The following OR6C68 variants were observed in gnomAD, a reference collection of about 807,000 sequenced individuals.
OR6C68 encodes olfactory receptor 6C68.
For synonymous variants in OR6C68, 161 were observed against 129.8 expected (o/e 1.24, Z -1.63); for missense variants, 440 against 368.5 (o/e 1.19, Z -1.59).
In OR6C68 at chr12:55,492,685, A is replaced by G. The variant is rs1872521432; in HGVS notation, c.308A>G (p.Asp103Gly). 6.2e-7 allele frequency: 1 copy of G among 1,613,912 alleles called. No individual in the cohort carries two copies. The highest frequency in any genetic ancestry group is 1.7e-5 in the Admixed American group (1 of 59,990). ...NACVIQLFFA[D>G]LFGVTEFFLL... ...TGTGTCATTCAGCTATTTTTTGCAG[A>G]CCTCTTTGGGGTAACTGAATTTTTT... The change falls in exon 1 of 1, where the codon GAC becomes GGC. Residue 103 changes from aspartate (D) to glycine (G), a missense_variant. Transcript: ENST00000548615.
Position 55,493,069 on chromosome 12 carries a change from A to G in OR6C68, c.692A>G (p.Gln231Arg). 2 of 1,605,588 alleles carry G rather than the reference A, an allele frequency of 1.2e-6. No homozygotes were observed. The highest frequency in any genetic ancestry group is 1.7e-6 in the Non-Finnish European group (2 of 1,177,480). ...RTILKFPSVQ[Q>R]KKKAFSTCSS... The stretch of plus-strand genomic sequence containing the variant: ...ATTCTAAAATTCCCTTCTGTTCAAC[A>G]AAAGAAAAAAGCCTTTTCTACCTGT... The change falls in exon 1 of 1, where the codon CAA becomes CGA. Residue 231 changes from glutamine (Q) to arginine (R), a missense_variant. Physicochemically the swap from Gln to Arg is conservative, Grantham distance 43. Transcript: ENST00000548615.
Position 55,493,189 on chromosome 12 carries a change from G to T in OR6C68, c.812G>T (p.Gly271Val). The change falls in exon 1 of 1, where the codon GGT (glycine) becomes GTT (valine). Residue 271 changes from glycine (G) to valine (V), a missense_variant. Physicochemically the swap from Gly to Val is moderately radical, Grantham distance 109. Transcript: ENST00000548615. ...AAAGAAGAGGTAAACATTAATAAAG[G>T]TGTGTCAGTGCTTATTTCATCCATA... ...SAKEEVNINKGVSVLISSISP... is the reference protein window; with the variant it reads ...SAKEEVNINKVVSVLISSISP... 1 of 1,613,356 alleles carries T rather than the reference G, an allele frequency of 6.2e-7. No individual in the cohort carries two copies. Among genetic ancestry groups the T allele is most frequent in the Non-Finnish European group, 8.5e-7 (1 of 1,179,556 alleles).
chr12:55,492,424 CAGA>C lies in OR6C68; in HGVS notation c.51_53del (p.Glu17del). The C allele has an allele frequency of 6.2e-7, 1 of 1,613,490 alleles. No homozygotes were observed. The highest frequency in any genetic ancestry group is 1.1e-5 in the South Asian group (1 of 90,880). ...ACAACATTCATCCTTCTGGGACTGA[CAGA>C]AGATCCTCAGCTGCAGGTTCTGCTT... On this transcript the variant is annotated inframe_deletion, in exon 1 of 1. Coordinates refer to ENST00000548615, the MANE Select transcript of OR6C68 (RefSeq NM_001005519.2).
Position 55,492,874 on chromosome 12 carries a change from T to A in OR6C68, c.497T>A (p.Phe166Tyr). Residue 166 changes from phenylalanine to tyrosine, a missense_variant, in exon 1 of 1, where the codon TTC (phenylalanine) becomes TAC (tyrosine). Transcript: ENST00000548615. ...PPLSLGFHLE[F>Y]CDSNVINHFG... ...CTTAGCTTAGGTTTTCATCTAGAAT[T>A]CTGTGACTCTAATGTCATCAATCAT... The A allele has an allele frequency of 1.9e-6, 3 of 1,614,004 alleles. No homozygotes were observed. The highest frequency in any genetic ancestry group is 2.5e-6 in the Non-Finnish European group (3 of 1,179,916).
chr12:55,493,226 G>A lies in OR6C68; in HGVS notation c.849G>A (p.Leu283=). The A allele has an allele frequency of 6.2e-7, 1 of 1,612,584 alleles. No individual in the cohort carries two copies. The highest frequency in any genetic ancestry group is 1.3e-5 in the African/African-American group (1 of 74,896). ...SVLISSISPM[L]NSFIYTLRNE... ...TTATTTCATCCATATCACCTATGTT[G>A]AATTCTTTCATATATACTCTTAGGA... Residue 283 remains leucine, a synonymous_variant, in exon 1 of 1, where the codon TTG becomes TTA. Coordinates refer to ENST00000548615, the MANE Select transcript of OR6C68 (RefSeq NM_001005519.2).
chr12:55,492,930 A>G lies in OR6C68; in HGVS notation c.553A>G (p.Ile185Val). 6.2e-7 allele frequency: 1 copy of G among 1,612,448 alleles called. No individual in the cohort carries two copies. The highest frequency in any genetic ancestry group is 8.5e-7 in the Non-Finnish European group (1 of 1,179,062). The change falls in exon 1 of 1, where the codon ATA becomes GTA. Residue 185 changes from isoleucine to valine, a missense_variant. By Grantham distance (29) the Ile-to-Val change is conservative. Transcript: ENST00000548615. ...FGCDALPILK[I>V]PCSDTSLIEQ... ...CTGTGATGCATTGCCTATTCTGAAA[A>G]TACCATGCTCAGACACATCATTAAT...
chr12:55,493,129 G>A lies in OR6C68; in HGVS notation c.752G>A (p.Gly251Asp), dbSNP rs201536343. 131 of 1,612,534 alleles carry A rather than the reference G, an allele frequency of 8.1e-5. No individual in the cohort carries two copies. The highest frequency in any genetic ancestry group is 3.3e-4 in the Middle Eastern group (2 of 6,046). ...SHITVVSITY[G>D]SCIFIYIKPS... is the part of the protein sequence containing the mutation. Reference sequence around the variant, plus strand: ...ATTACTGTGGTTTCCATCACTTATGGCAGCTGCATCTTCATCTATATCAAG... The same window carrying A: ...ATTACTGTGGTTTCCATCACTTATGACAGCTGCATCTTCATCTATATCAAG... Residue 251 changes from glycine (G) to aspartate (D), a missense_variant, in exon 1 of 1, where the codon GGC becomes GAC. By Grantham distance (94) the Gly-to-Asp change is moderately conservative (BLOSUM62 -1). Coordinates refer to ENST00000548615, the MANE Select transcript of OR6C68 (RefSeq NM_001005519.2).
rs1565703326 is a variant in OR6C68, at chr12:55,493,064, T to C, written c.687T>C (p.Val229=). 3.7e-6 allele frequency: 6 copies of C among 1,605,928 alleles called. No individual in the cohort carries two copies. Among genetic ancestry groups the C allele is most frequent in the Non-Finnish European group, 5.1e-6 (6 of 1,177,504 alleles). ...GAACAATTCTAAAATTCCCTTCTGT[T>C]CAACAAAAGAAAAAAGCCTTTTCTA... ...IIRTILKFPS[V]QQKKKAFSTC... is the part of the protein sequence containing the mutation. The change falls in exon 1 of 1, where the codon GTT becomes GTC. Residue 229 remains valine, a synonymous_variant. Transcript: ENST00000548615.
At position 55,492,526 on chromosome 12, in the gene OR6C68, A is replaced by G. The variant is rs752290109; in HGVS notation, c.149A>G (p.Asp50Gly). ...ACCATTATCGCCCTCACCATGTTGGATCCCCACCTGAAAACACCCATGTAT... is the reference window on the plus strand; with the variant it reads ...ACCATTATCGCCCTCACCATGTTGGGTCCCCACCTGAAAACACCCATGTAT... ...KLTIIALTMLDPHLKTPMYFF... is the reference protein window; with the variant it reads ...KLTIIALTMLGPHLKTPMYFF... The change falls in exon 1 of 1, where the codon GAT becomes GGT. Residue 50 changes from aspartate to glycine, a missense_variant. Physicochemically the swap from Asp to Gly is moderately conservative, Grantham distance 94 (BLOSUM62 -1). Coordinates refer to ENST00000548615, the MANE Select transcript of OR6C68 (RefSeq NM_001005519.2). 6.2e-7 allele frequency: 1 copy of G among 1,613,996 alleles called. No individual in the cohort carries two copies. The highest frequency in any genetic ancestry group is 1.1e-5 in the South Asian group (1 of 91,046).
rs777084179 is a variant in OR6C68, at chr12:55,492,403, C to A, written c.26C>A (p.Thr9Lys). 1.2e-6 allele frequency: 2 copies of A among 1,608,348 alleles called. No homozygotes were observed. The highest frequency in any genetic ancestry group is 2.7e-5 in the African/African-American group (2 of 74,728). Residue 9 changes from threonine to lysine, a missense_variant, in exon 1 of 1, where the codon ACA (threonine) becomes AAA (lysine). Transcript: ENST00000548615. MRKHTAIT[T>K]FILLGLTEDP... ...ATGAGAAAACACACAGCAATAACAACATTCATCCTTCTGGGACTGACAGAA... is the reference window on the plus strand; with the variant it reads ...ATGAGAAAACACACAGCAATAACAAAATTCATCCTTCTGGGACTGACAGAA...
At position 55,492,646 on chromosome 12, in the gene OR6C68, TA is replaced by T; in HGVS notation, c.271del (p.Thr91ArgfsTer17). ...LYSISTGNKI[I>X]TYNACVIQLF... is the part of the protein sequence containing the mutation. ...AGTATCTCAACTGGGAACAAAATAATAACGTATAATGCATGTGTCATTCAGC... is the reference window on the plus strand; with the variant it reads ...AGTATCTCAACTGGGAACAAAATAATACGTATAATGCATGTGTCATTCAGC... On this transcript the variant is annotated frameshift_variant, in exon 1 of 1. Transcript: ENST00000548615. LOFTEE classifies it low-confidence loss of function (END_TRUNC). 1 of 1,613,916 alleles carries T rather than the reference TA, an allele frequency of 6.2e-7. No homozygotes were observed. The highest frequency in any genetic ancestry group is 8.5e-7 in the Non-Finnish European group (1 of 1,179,802).
Position 55,492,620 on chromosome 12 carries a change from C to T in OR6C68, c.243C>T (p.Tyr81=), listed in dbSNP as rs1397738734. The change falls in exon 1 of 1, where the codon TAC becomes TAT. Residue 81 remains tyrosine, a synonymous_variant. Transcript: ENST00000548615. ...FTATCVPRFL[Y]SISTGNKIIT... Reference sequence around the variant, plus strand: ...CTACCTGTGTTCCAAGATTCTTATACAGTATCTCAACTGGGAACAAAATAA... The same window carrying T: ...CTACCTGTGTTCCAAGATTCTTATATAGTATCTCAACTGGGAACAAAATAA... 3.1e-6 allele frequency: 5 copies of T among 1,613,192 alleles called. No individual in the cohort carries two copies. The highest frequency in any genetic ancestry group is 1.7e-4 in the Middle Eastern group (1 of 6,056).
rs557415700 is a variant in OR6C68 at position 55,493,067 on chromosome 12, A to G, written c.690A>G (p.Gln230=). 14 of 1,605,954 alleles carry G rather than the reference A, an allele frequency of 8.7e-6. No homozygotes were observed. The South Asian group carries it at 1.6e-4, about 18-fold the overall frequency. Residue 230 remains glutamine, a synonymous_variant, in exon 1 of 1, where the codon CAA becomes CAG. Coordinates refer to ENST00000548615, the MANE Select transcript of OR6C68 (RefSeq NM_001005519.2). The part of the protein sequence containing the change: ...IRTILKFPSV[Q]QKKKAFSTCS... ...CAATTCTAAAATTCCCTTCTGTTCA[A>G]CAAAAGAAAAAAGCCTTTTCTACCT...
chr12:55,493,271 C>T lies in OR6C68; in HGVS notation c.894C>T (p.Ala298=). ...TTAGGAATGAGCAAGTTAAACAAGC[C>T]TTTCATGACTCACTCAAAAAAATTG... The part of the protein sequence containing the change: ...YTLRNEQVKQ[A]FHDSLKKIAF... Residue 298 remains alanine (A), a synonymous_variant, in exon 1 of 1, where the codon GCC becomes GCT. Coordinates refer to ENST00000548615, the MANE Select transcript of OR6C68 (RefSeq NM_001005519.2). 2.5e-6 allele frequency: 4 copies of T among 1,579,992 alleles called. No homozygotes were observed. The highest frequency in any genetic ancestry group is 3.4e-6 in the Non-Finnish European group (4 of 1,168,032).
chr12:55,493,000 C>G lies in OR6C68; in HGVS notation c.623C>G (p.Thr208Ser). 1 of 1,612,050 alleles carries G rather than the reference C, an allele frequency of 6.2e-7. No individual in the cohort carries two copies. Among genetic ancestry groups the G allele is most frequent in the Non-Finnish European group, 8.5e-7 (1 of 1,178,778 alleles). Residue 208 changes from threonine (T) to serine (S), a missense_variant, in exon 1 of 1, where the codon ACT (threonine) becomes AGT (serine). Thr to Ser is a moderately conservative substitution (Grantham distance 58, BLOSUM62 1). Transcript: ENST00000548615. The stretch of plus-strand genomic sequence containing the variant: ...TCTGCTGTATTAACCTTTATTATCA[C>G]TCTTGTATGTGTAGTTCTGTCCTAC... The part of the protein sequence containing the change: ...VASAVLTFII[T>S]LVCVVLSYTY...
chr12:55,493,200 C>A lies in OR6C68; in HGVS notation c.823C>A (p.Leu275Ile). Residue 275 changes from leucine (L) to isoleucine (I), a missense_variant, in exon 1 of 1, where the codon CTT (leucine) becomes ATT (isoleucine). Leu to Ile is a conservative substitution (Grantham distance 5, BLOSUM62 2). Coordinates refer to ENST00000548615, the MANE Select transcript of OR6C68 (RefSeq NM_001005519.2). ...EVNINKGVSV[L>I]ISSISPMLNS... ...AAACATTAATAAAGGTGTGTCAGTG[C>A]TTATTTCATCCATATCACCTATGTT... 1.2e-6 allele frequency: 2 copies of A among 1,612,722 alleles called. No homozygotes were observed. Among genetic ancestry groups the A allele is most frequent in the Non-Finnish European group, 1.7e-6 (2 of 1,178,990 alleles).
chr12:55,492,381 A>T lies in OR6C68; in HGVS notation c.4A>T (p.Arg2Ter), dbSNP rs1872508925. ...TGGAAAAATGCAGAAGTCAGTAATG[A>T]GAAAACACACAGCAATAACAACATT... M[R>*]KHTAITTFIL... Residue 2 changes from arginine to a stop codon, truncating the protein, a stop_gained, in exon 1 of 1, where the codon AGA becomes TGA. Transcript: ENST00000548615. LOFTEE classifies it low-confidence loss of function (END_TRUNC). The T allele has an allele frequency of 6.3e-7, 1 of 1,588,930 alleles. No individual in the cohort carries two copies. Among genetic ancestry groups the T allele is most frequent in the Non-Finnish European group, 8.6e-7 (1 of 1,168,742 alleles).
rs2120762408 is a variant in OR6C68, at chr12:55,492,939, T to C, written c.562T>C (p.Ser188Pro). 1.9e-6 allele frequency: 3 copies of C among 1,612,450 alleles called. No individual in the cohort carries two copies. Among genetic ancestry groups the C allele is most frequent in the Non-Finnish European group, 2.5e-6 (3 of 1,179,044 alleles). ...ATTGCCTATTCTGAAAATACCATGC[T>C]CAGACACATCATTAATTGAGCAGAT... is the stretch of plus-strand genomic sequence containing the variant. Reference protein sequence around the residue: ...DALPILKIPCSDTSLIEQMVV... With the variant: ...DALPILKIPCPDTSLIEQMVV... Residue 188 changes from serine (S) to proline (P), a missense_variant, in exon 1 of 1, where the codon TCA becomes CCA. Transcript: ENST00000548615.
In OR6C68 at chr12:55,492,736, G is replaced by C; in HGVS notation, c.359G>C (p.Arg120Pro). 1.9e-6 allele frequency: 3 copies of C among 1,614,032 alleles called. No individual in the cohort carries two copies. The highest frequency in any genetic ancestry group is 2.5e-6 in the Non-Finnish European group (3 of 1,179,962). The change falls in exon 1 of 1, where the codon CGC becomes CCC. Residue 120 changes from arginine to proline, a missense_variant. Arg to Pro is a moderately radical substitution (Grantham distance 103). Coordinates refer to ENST00000548615, the MANE Select transcript of OR6C68 (RefSeq NM_001005519.2). ...CTTTTGGCTACCATGTCATATGATC[G>C]CTATGTGGCCATCTGCAAACCCTTG... Reference protein sequence around the residue: ...FFLLATMSYDRYVAICKPLHY... With the variant: ...FFLLATMSYDPYVAICKPLHY...
Sources: allele counts gnomAD v4.1 joint callset, GRCh38; gene constraint gnomAD v4.1.1; transcripts MANE v1.5; gene names NCBI Gene and HGNC (gene_info 2026-07-23, HGNC 2026-07-21).